FOXP1: variants seen among roughly 807,000 people sequenced by gnomAD.
The protein encoded by FOXP1 is forkhead box protein P1.
A neutral mutation model predicts 98.2 loss-of-function variants in FOXP1; 15 were observed. That is an observed-to-expected ratio of 0.15 (90% CI 0.10 to 0.24). The LOEUF (loss-of-function observed/expected upper bound fraction) is 0.24. Ranked by LOEUF, FOXP1 falls within the 10% of genes least tolerant of loss-of-function variation. The probability of loss-of-function intolerance (pLI) is 1.00; values close to 1 mark genes in which losing one functional copy is unlikely to be tolerated. For synonymous variants in FOXP1, 371 were observed against 314.5 expected (o/e 1.18, Z -1.90); for missense variants, 633 against 848.5 (o/e 0.75, Z 3.15).
At chr3:70,988,823 T>A (rs1428648250) in intron 13 of FOXP1, among the ~76,000 whole-genome samples, 1 of 152,216 alleles carries the variant, frequency 6.6e-6, no homozygotes, top group African/African-American at 2.4e-5. Flanking sequence ...TTTTCAATAG[T>A]TCAAGACAGT....
intron 4 of FOXP1, among the ~76,000 whole-genome samples, chr3:71,303,606 A>G (rs1446751179): frequency 6.6e-6 from 1 of 152,238 alleles, no homozygotes; most frequent in African/African-American, 2.4e-5. Flanking sequence ...ACATCAACAT[A>G]TATTTGACTA....
chr3:71,212,525 T>C (rs555172071), intron 5 of FOXP1, among the ~76,000 whole-genome samples: 1 of 152,182 alleles, frequency 6.6e-6, no homozygotes, highest in African/African-American at 2.4e-5. Context: ...TAAAAACCAG[T>C]AGCTCCAACA....
intron 11 of FOXP1, among the ~76,000 whole-genome samples, chr3:71,033,009 G>A (rs1321176349): frequency 2.6e-5 from 4 of 152,120 alleles, no homozygotes; most frequent in Non-Finnish European, 5.9e-5. Flanking sequence ...GAGTAAAACC[G>A]AGTACCATGG....
chr3:71,546,284 C>CT (rs2045352584), intron 2 of FOXP1, among the ~76,000 whole-genome samples: 2 of 152,080 alleles, frequency 1.3e-5, no homozygotes, highest in Non-Finnish European at 2.9e-5. Flanking sequence ...GGCCAAGCAG[C>CT]CAAGGCTAAA....
At chr3:71,084,932 G>C (rs1378053897) in intron 7 of FOXP1, among the ~76,000 whole-genome samples, 1 of 152,132 alleles carries the variant, frequency 6.6e-6, no homozygotes, top group East Asian at 1.9e-4. Context: ...TACCAGGGAG[G>C]ATGAGGCACA....
At chr3:71,181,683 A>G (rs994271131) in intron 6 of FOXP1, among the ~76,000 whole-genome samples, 4 of 152,200 alleles carry the variant, frequency 2.6e-5, no homozygotes, top group African/African-American at 9.6e-5. Flanking sequence ...GACATGATTA[A>G]GCCCACACAG....
intron 2 of FOXP1, among the ~76,000 whole-genome samples, chr3:71,551,758 T>C (rs755910307): frequency 1.3e-5 from 2 of 152,186 alleles, no homozygotes; most frequent in African/African-American, 2.4e-5. Flanking sequence ...CAAAACTGCC[T>C]CAGATATAAA....
intron 11 of FOXP1, among the ~76,000 whole-genome samples, chr3:71,036,535 G>A (rs1284218811): frequency 6.6e-6 from 1 of 152,146 alleles, no homozygotes; most frequent in Non-Finnish European, 1.5e-5. Flanking sequence ...AAGCTGGGAT[G>A]AGAAAAAAGG....
intron 6 of FOXP1, among the ~76,000 whole-genome samples, chr3:71,187,751 C>T (rs2062734673): frequency 6.6e-6 from 1 of 151,946 alleles, no homozygotes; most frequent in Non-Finnish European, 1.5e-5. Flanking sequence ...TCACTTAATG[C>T]TTTTGGATGT....
intron 4 of FOXP1, among the ~76,000 whole-genome samples, chr3:71,328,987 A>AT (rs1365552684): frequency 8.7e-6 from 1 of 115,522 alleles, no homozygotes; most frequent in Admixed American, 1.1e-4. Flanking sequence ...AAAAAAAAAA[A>AT]AACAAAAAAA....
intron 2 of FOXP1, among the ~76,000 whole-genome samples, chr3:71,535,710 G>A (rs2044236682): frequency 6.6e-6 from 1 of 152,024 alleles, no homozygotes; most frequent in Admixed American, 6.6e-5. Flanking sequence ...GGTGACAGAG[G>A]GAGACTCTGT....
chr3:71,389,481 G>C (rs533141842), intron 3 of FOXP1, among the ~76,000 whole-genome samples: 1 of 151,984 alleles, frequency 6.6e-6, no homozygotes, highest in Admixed American at 6.6e-5. Flanking sequence ...ACAACGACGT[G>C]TACAAAACAA....
rs765161575 is a variant in FOXP1, at chr3:70,977,989, G to A, written c.1187C>T (p.Ser396Leu). 2 of 1,614,120 alleles carry A rather than the reference G, an allele frequency of 1.2e-6. No individual in the cohort carries two copies. The highest frequency in any genetic ancestry group is 1.7e-6 in the Non-Finnish European group (2 of 1,179,988). The change falls in exon 15 of 21, where the codon TCG becomes TTG. Residue 396 changes from serine to leucine, a missense_variant. Physicochemically the swap from Ser to Leu is moderately radical, Grantham distance 145 (BLOSUM62 -2). Around this residue, in one of 6 missense-constraint regions of FOXP1, gnomAD observed 141 missense variants for 199.5 expected, o/e 0.71. Transcript: ENST00000649528. Reference sequence around the variant, plus strand: ...AGGTAAGCTCTGTGGAGAAGCCTCCGATGCGGACTTGGAGAGAGTGACACT... The same window carrying A: ...AGGTAAGCTCTGTGGAGAAGCCTCCAATGCGGACTTGGAGAGAGTGACACT... ...VSSVTLSKSASEASPQSLPHT... is the reference protein window; with the variant it reads ...VSSVTLSKSALEASPQSLPHT...
At chr3:71,266,864 C>T (rs551698927) in intron 5 of FOXP1, among the ~76,000 whole-genome samples, 1 of 152,184 alleles carries the variant, frequency 6.6e-6, no homozygotes, top group Non-Finnish European at 1.5e-5. Context: ...ACGATAATGG[C>T]CGCCAGCTCC....
At position 71,440,854 on chromosome 3, in the gene FOXP1, G is replaced by A. The variant is rs185673007; in HGVS notation, c.-168+52572C>T. On this transcript the variant is annotated intron_variant, in intron 3 of 20. Transcript: ENST00000649528. ...CATTTCAGCCTGGGTGACACAGTGA[G>A]ACCCTGTCTCAAAAATAAAATAAAA... is the stretch of plus-strand genomic sequence containing the variant. Among the ~76,000 whole-genome samples the A allele has an allele frequency of 1.1e-4, 17 of 152,252 alleles. No homozygotes were observed. In the East Asian group the frequency reaches 3.3e-3, roughly 29 times the overall value.
intron 3 of FOXP1, among the ~76,000 whole-genome samples, chr3:71,432,306 C>A (rs1051486507): frequency 3.9e-5 from 6 of 152,168 alleles, no homozygotes; most frequent in African/African-American, 1.4e-4. Context: ...TTTCCTGCAC[C>A]CATCGAGTTG....
intron 14 of FOXP1, 147 bp downstream of exon 14, chr3:70,987,847 C>G (rs770051611): frequency 2.8e-6 from 2 of 722,036 alleles, no homozygotes; most frequent in Non-Finnish European, 4.9e-6. Context: ...TAAAGGATAA[C>G]CAGAAACAGT....
intron 3 of FOXP1, among the ~76,000 whole-genome samples, chr3:71,468,983 C>A (rs1441825178): frequency 6.6e-6 from 1 of 152,156 alleles, no homozygotes; most frequent in Non-Finnish European, 1.5e-5. Flanking sequence ...TGTTTGAGGC[C>A]TGTCGAATAC....
chr3:71,004,091 C>G (rs960142199), intron 12 of FOXP1, among the ~76,000 whole-genome samples: 18 of 151,936 alleles, frequency 1.2e-4, no homozygotes, highest in Admixed American at 4.6e-4. Context: ...CCCTACATCC[C>G]CCCCCAAGTT....
Sources: allele counts gnomAD v4.1 joint callset (sites outside exome capture counted in the v4.1 genomes callset), GRCh38; gene constraint gnomAD v4.1.1; regional missense constraint gnomAD v4.1.1; transcripts MANE v1.5; gene names NCBI Gene and HGNC (gene_info 2026-07-23, HGNC 2026-07-21).